The following KCNQ4 variants were observed in gnomAD, a reference collection of about 807,000 sequenced individuals.
The protein encoded by KCNQ4 is potassium voltage-gated channel subfamily Q member 4.
In KCNQ4, 31 loss-of-function variants were observed where a neutral mutation model predicts 72.6. That is an observed-to-expected ratio of 0.43 (90% CI 0.32 to 0.58). The LOEUF is 0.58. Ranked by LOEUF, KCNQ4 falls within the 20% of genes least tolerant of loss-of-function variation. The pLI, the probability that KCNQ4 is intolerant of heterozygous loss-of-function variation, is 0.08. For missense variants in KCNQ4, 869 were observed against 962.6 expected, an observed-to-expected ratio of 0.90 and a Z score of 1.29; for synonymous variants, 405 against 403.7, an observed-to-expected ratio of 1.00 and a Z score of -0.04.
rs1225269907 is a variant in KCNQ4, at chr1:40,839,293, GC to G, written c.*772del. The G allele has an allele frequency of 1.3e-5, 2 of 152,796 alleles. No homozygotes were observed. Among genetic ancestry groups the G allele is most frequent in the African/African-American group, 4.8e-5 (2 of 41,412 alleles). 9.5% of individuals were successfully genotyped at this position (152,796 alleles called of 1,614,324 possible). A position where few individuals can be genotyped will look rare whatever the true frequency, so the allele number is the denominator to read the frequency against. On this transcript the variant is annotated 3_prime_UTR_variant, in exon 14 of 14. Coordinates refer to ENST00000347132, the MANE Select transcript of KCNQ4 (RefSeq NM_004700.4). The stretch of plus-strand genomic sequence containing the variant: ...AGGGGCTCCCTCCTCCTGCTGGGTG[GC>G]CACTCCCCTCCTTGGCCCTCCAGAC...
chr1:40,784,275 C>T lies in KCNQ4; in HGVS notation c.182C>T (p.Pro61Leu), dbSNP rs763627695. 14 of 1,531,546 alleles carry T rather than the reference C, an allele frequency of 9.1e-6. No individual in the cohort carries two copies. In the Middle Eastern group the frequency reaches 5.3e-4, roughly 58 times the overall value. The allele number at this position is 1,531,546 out of a possible 1,614,324, so 94.9% of individuals were successfully genotyped here. Residue 61 changes from proline (P) to leucine (L), a missense_variant, in exon 1 of 14, where the codon CCG (proline) becomes CTG (leucine). Transcript: ENST00000347132. The surrounding 1 kb of genome is among the most constrained non-coding windows in gnomAD (Gnocchi z 4.1). ...PLPPGAPLPG[P>L]GSGSGSACGQ... ...CCGCCGGGCGCGCCCCTCCCTGGGC[C>T]GGGCTCCGGCTCGGGCTCCGCCTGC...
intron 9 of KCNQ4, among the ~76,000 whole-genome samples, chr1:40,825,314 G>A (rs1292861048): frequency 1.3e-5 from 2 of 152,186 alleles, no homozygotes; most frequent in Non-Finnish European, 2.9e-5. Context: ...GGGGAGGCGT[G>A]GTGGAAGCTC....
intron 1 of KCNQ4, among the ~76,000 whole-genome samples, chr1:40,791,797 A>G (rs1647289689): frequency 6.6e-6 from 1 of 152,192 alleles, no homozygotes; most frequent in Non-Finnish European, 1.5e-5. Flanking sequence ...TAAATGGAGC[A>G]TGGTTCCCAT....
chr1:40,805,158 C>T (rs370514289), intron 1 of KCNQ4: 1 of 131,862 alleles, frequency 7.6e-6, no homozygotes, highest in African/African-American at 2.5e-5. Context: ...TAAAAATAAA[C>T]AAAACAAACA....
intron 13 of KCNQ4, among the ~76,000 whole-genome samples, chr1:40,838,049 C>G (rs910549788): frequency 4.0e-5 from 6 of 151,814 alleles, no homozygotes; most frequent in African/African-American, 7.3e-5. Flanking sequence ...TCCCCCTACT[C>G]CATTTGACCC....
At chr1:40,810,297 C>T (rs888895022) in intron 1 of KCNQ4, among the ~76,000 whole-genome samples, 1 of 152,128 alleles carries the variant, frequency 6.6e-6, no homozygotes, top group Non-Finnish European at 1.5e-5. Flanking sequence ...TGTCCAGTTA[C>T]CTCCTCCAAG....
intron 1 of KCNQ4, among the ~76,000 whole-genome samples, chr1:40,801,709 C>T (rs1647579314): frequency 6.6e-6 from 1 of 152,192 alleles, no homozygotes; most frequent in Non-Finnish European, 1.5e-5. Flanking sequence ...TCATTTGTTC[C>T]AGCTGCCCTG....
intron 9 of KCNQ4, among the ~76,000 whole-genome samples, chr1:40,828,110 G>A (rs1469034434): frequency 6.6e-6 from 1 of 152,212 alleles, no homozygotes. Flanking sequence ...TGTGGCTTCA[G>A]AAGTCGTAGG....
intron 1 of KCNQ4, among the ~76,000 whole-genome samples, chr1:40,809,204 C>T (rs1647853269): frequency 6.6e-6 from 1 of 152,242 alleles, no homozygotes; most frequent in Admixed American, 6.5e-5. Context: ...CTATCCCTCC[C>T]AGTCTGCGTA....
Position 40,818,244 on chromosome 1 carries a change from A to G in KCNQ4, c.486A>G (p.Gly162=). The G allele has an allele frequency of 1.9e-6, 3 of 1,613,964 alleles. No individual in the cohort carries two copies. Among genetic ancestry groups the G allele is most frequent in the Non-Finnish European group, 2.5e-6 (3 of 1,180,020 alleles). The change falls in exon 3 of 14, where the codon GGA becomes GGG. Residue 162 remains glycine, a synonymous_variant. Transcript: ENST00000347132. ...CCGGATGCTGCTGCCGCTACCGAGG[A>G]TGGCAGGGTCGCTTCCGCTTTGCCA... ...WSAGCCCRYR[G]WQGRFRFARK...
chr1:40,786,198 G>A (rs994324151), intron 1 of KCNQ4, among the ~76,000 whole-genome samples: 8 of 152,134 alleles, frequency 5.3e-5, no homozygotes, highest in East Asian at 1.9e-4. Flanking sequence ...TGTGCCCTCC[G>A]TGGGCTCCTC....
chr1:40,797,139 G>A (rs1002686934), intron 1 of KCNQ4, among the ~76,000 whole-genome samples: 4 of 152,230 alleles, frequency 2.6e-5, no homozygotes, highest in Non-Finnish European at 5.9e-5. Context: ...TGCTCCCTGG[G>A]GGAGATGGGC....
At chr1:40,814,236 T>C (rs370608955) in intron 1 of KCNQ4, among the ~76,000 whole-genome samples, 3 of 151,272 alleles carry the variant, frequency 2.0e-5, no homozygotes, top group South Asian at 4.2e-4. Context: ...GTATTTTTAG[T>C]AGAGGCGGGG....
intron 1 of KCNQ4, among the ~76,000 whole-genome samples, chr1:40,797,921 C>T (rs1647462957): frequency 1.3e-5 from 2 of 152,016 alleles, no homozygotes; most frequent in African/African-American, 4.8e-5. Flanking sequence ...GGCGCCGAGG[C>T]TGTCTGGAAA....
intron 1 of KCNQ4, among the ~76,000 whole-genome samples, chr1:40,802,485 C>T (rs1647611377): frequency 6.6e-6 from 1 of 152,074 alleles, no homozygotes; most frequent in Non-Finnish European, 1.5e-5. Flanking sequence ...ATTGGCAAAG[C>T]CCCGCCCCTC....
At chr1:40,822,259 TG>T (rs938730119) in intron 7 of KCNQ4, 54 bp from the exon 8 acceptor site, 19 of 1,415,698 alleles carry the variant, frequency 1.3e-5, no homozygotes, top group Non-Finnish European at 1.8e-5. Flanking sequence ...AGAGGGCTGG[TG>T]GGGACTGAGA....
chr1:40,784,429 C>T lies in KCNQ4; in HGVS notation c.314+22C>T, dbSNP rs775995907. On this transcript the variant is annotated intron_variant, in intron 1 of 13. Coordinates refer to ENST00000347132, the MANE Select transcript of KCNQ4 (RefSeq NM_004700.4). The surrounding 1 kb of genome is among the most constrained non-coding windows in gnomAD (Gnocchi z 4.1). ...TCATGTGAGTTTGCGACCCCGCGCC[C>T]TTCCGCGTTTCCCCGCGCAAGCCTG... 2.6e-5 allele frequency: 42 copies of T among 1,603,512 alleles called. No homozygotes were observed. Among genetic ancestry groups the T allele is most frequent in the Non-Finnish European group, 3.6e-5 (42 of 1,177,528 alleles).
At position 40,825,929 on chromosome 1, in the gene KCNQ4, G is replaced by A. The variant is rs144622465; in HGVS notation, c.1292+1671G>A. Among the ~76,000 whole-genome samples, 738 of 152,298 alleles carry A rather than the reference G, an allele frequency of 4.8e-3. 6 individuals are homozygous for A. Among genetic ancestry groups the A allele is most frequent in the African/African-American group, 0.017 (705 of 41,540 alleles). On this transcript the variant is annotated intron_variant, in intron 9 of 13. Transcript: ENST00000347132. ...ACAGATTACTACTAAGGGCTTGGCT[G>A]TCACTGACTCCCAGCCTCGTATCTA...
chr1:40,833,512 G>T (rs1177395359), intron 11 of KCNQ4, among the ~76,000 whole-genome samples: 1 of 152,112 alleles, frequency 6.6e-6, no homozygotes, highest in East Asian at 1.9e-4. Context: ...AGGGACCAGG[G>T]TCTCCTAGGC....
Sources: gnomAD v4.1 joint callset for allele counts (sites outside exome capture counted in the v4.1 genomes callset) on GRCh38, gnomAD v4.1.1 for gene constraint, Gnocchi (gnomAD v3.1) non-coding constraint, MANE v1.5 for transcripts, NCBI Gene and HGNC (gene_info 2026-07-23, HGNC 2026-07-21) for gene names.